The following TRPV3 variants were observed in gnomAD, a reference collection of about 807,000 sequenced individuals.
TRPV3 encodes VRL-3.
Under a neutral mutation model 87.1 loss-of-function variants are expected in TRPV3, and 88 were observed. That is an observed-to-expected ratio of 1.01 (90% CI 0.85 to 1.21). TRPV3 has a LOEUF of 1.21. TRPV3 is among the 50% of genes most tolerant of loss of function. The probability of loss-of-function intolerance (pLI) is 0.00; values close to 1 mark genes in which losing one functional copy is unlikely to be tolerated. For synonymous variants in TRPV3, 438 were observed against 423.3 expected, an observed-to-expected ratio of 1.03 and a Z score of -0.43; for missense variants, 1,054 against 1,030.1, an observed-to-expected ratio of 1.02 and a Z score of -0.32.
At position 3,543,589 on chromosome 17, in the gene TRPV3, C is replaced by T. The variant is rs1258167023; in HGVS notation, c.351G>A (p.Arg117=). ...LAKEEQRRKK[R]RLKKRIFAAV... ...CTGCAAAGATGCGCTTCTTCAGCCG[C>T]CTCTTTTTCCTCCTCTGCTCTTCCT... Residue 117 remains arginine (R), a synonymous_variant, in exon 5 of 18, where the codon AGG becomes AGA. Coordinates refer to ENST00000576742, the MANE Select transcript of TRPV3 (RefSeq NM_145068.4). The T allele has an allele frequency of 2.5e-6, 4 of 1,614,078 alleles. No individual in the cohort carries two copies. The highest frequency in any genetic ancestry group is 3.4e-6 in the Non-Finnish European group (4 of 1,180,044).
At position 3,528,336 on chromosome 17, in the gene TRPV3, A is replaced by T. The variant is rs1053468454; in HGVS notation, c.1402-210T>A. On this transcript the variant is annotated intron_variant, in intron 10 of 17. Coordinates refer to ENST00000576742, the MANE Select transcript of TRPV3 (RefSeq NM_145068.4). The surrounding 1 kb of genome is among the most constrained non-coding windows in gnomAD (Gnocchi z 4.2). ...ATGGAAACCCAGAACTCTACAACGA[A>T]GAATATCATCCAATCCGTGCTAACA... is the stretch of plus-strand genomic sequence containing the variant. 1.3e-5 allele frequency among the ~76,000 whole-genome samples: 2 copies of T among 152,186 alleles called. No homozygotes were observed. Among genetic ancestry groups the T allele is most frequent in the Non-Finnish European group, 2.9e-5 (2 of 68,022 alleles).
At chr17:3,517,810 C>T (rs201440016) in intron 15 of TRPV3, among the ~76,000 whole-genome samples, 3 of 113,178 alleles carry the variant, frequency 2.7e-5, no homozygotes, top group Admixed American at 9.4e-5. Flanking sequence ...ATGAGCATTT[C>T]TTTTTTTTTT....
chr17:3,533,794 G>T (rs2074373301), intron 7 of TRPV3, among the ~76,000 whole-genome samples: 1 of 152,234 alleles, frequency 6.6e-6, no homozygotes, highest in Non-Finnish European at 1.5e-5. Flanking sequence ...ACTGCACTCG[G>T]TCTACTTTGT....
intron 7 of TRPV3, among the ~76,000 whole-genome samples, chr17:3,534,518 G>A (rs4790146): frequency 1.3e-5 from 2 of 152,146 alleles, no homozygotes; most frequent in Non-Finnish European, 2.9e-5. Flanking sequence ...ATTTTTGTGT[G>A]TGACGGAGCC....
Position 3,528,505 on chromosome 17 carries a change from C to A in TRPV3, c.1401+332G>T, listed in dbSNP as rs1468395620. Among the ~76,000 whole-genome samples the A allele has an allele frequency of 6.6e-6, 1 of 152,192 alleles. No individual in the cohort carries two copies. The highest frequency in any genetic ancestry group is 2.4e-5 in the African/African-American group (1 of 41,448). ...ACCGAAGCCCAGCAGGCAGGGAGAG[C>A]TTATCCTCCTCCCGTTTCCTGCAGC... On this transcript the variant is annotated intron_variant, in intron 10 of 17. Coordinates refer to ENST00000576742, the MANE Select transcript of TRPV3 (RefSeq NM_145068.4). The surrounding 1 kb of genome is among the most constrained non-coding windows in gnomAD (Gnocchi z 4.2).
intron 14 of TRPV3, among the ~76,000 whole-genome samples, chr17:3,520,392 G>A (rs941331488): frequency 6.6e-6 from 1 of 152,182 alleles, no homozygotes; most frequent in Non-Finnish European, 1.5e-5. Context: ...TCACCTCAGG[G>A]TATTAGTTTG....
chr17:3,524,420 G>A, intron 12 of TRPV3, 57 bp from the exon 13 acceptor site: 1 of 1,597,920 alleles, frequency 6.3e-7, no homozygotes, highest in Non-Finnish European at 8.5e-7. Flanking sequence ...TCAGGGCAAA[G>A]ATATGCAAAT....
Position 3,528,881 on chromosome 17 carries a change from T to A in TRPV3, c.1357A>T (p.Ile453Phe). Residue 453 changes from isoleucine (I) to phenylalanine (F), a missense_variant, in exon 10 of 18, where the codon ATC (isoleucine) becomes TTC (phenylalanine). Coordinates refer to ENST00000576742, the MANE Select transcript of TRPV3 (RefSeq NM_145068.4). This position sits in a 1 kb window ranked among gnomAD's most constrained non-coding sequence, Gnocchi z 4.2. ...LSFCFYFFYN[I>F]TLTLVSYYRP... The stretch of plus-strand genomic sequence containing the variant: ...TAGTACGAGACGAGGGTCAGGGTGA[T>A]GTTGTAGAAGAAATAAAAGCAGAAG... 6.2e-7 allele frequency: 1 copy of A among 1,614,092 alleles called. No homozygotes were observed. The highest frequency in any genetic ancestry group is 8.5e-7 in the Non-Finnish European group (1 of 1,180,016).
Position 3,511,471 on chromosome 17 carries a change from A to AT in TRPV3, c.*2445dup, listed in dbSNP as rs2074113245. The AT allele has an allele frequency of 6.6e-6, 1 of 152,248 alleles. No homozygotes were observed. The highest frequency in any genetic ancestry group is 2.1e-4 in the South Asian group (1 of 4,832). The allele number at this position is 152,248 out of a possible 1,614,324, so 9.4% of individuals were successfully genotyped here. On this transcript the variant is annotated 3_prime_UTR_variant, in exon 18 of 18. Transcript: ENST00000576742. The stretch of plus-strand genomic sequence containing the variant: ...CCCAAGTACACATTCCTCTCGGAGC[A>AT]TTAGCCTCTGGGCGTAAAATGAAGG...
intron 12 of TRPV3, 104 bp from the exon 13 acceptor site, chr17:3,524,467 C>G: frequency 1.4e-6 from 2 of 1,424,682 alleles, no homozygotes; most frequent in Non-Finnish European, 1.9e-6. Context: ...AACAGTCACC[C>G]CGGTGACGGA....
At chr17:3,527,984 G>A (rs1484142397) in intron 11 of TRPV3, 41 bp downstream of exon 11, 1 of 1,512,988 alleles carries the variant, frequency 6.6e-7, no homozygotes, top group Non-Finnish European at 9.2e-7. Context: ...TCACCTGCCT[G>A]CCTCGCGGGG....
In TRPV3 at chr17:3,518,731, T is replaced by C; in HGVS notation, c.1930A>G (p.Ile644Val). 1 of 1,613,740 alleles carries C rather than the reference T, an allele frequency of 6.2e-7. No homozygotes were observed. Among genetic ancestry groups the C allele is most frequent in the Non-Finnish European group, 8.5e-7 (1 of 1,179,866 alleles). Residue 644 changes from isoleucine (I) to valine (V), a missense_variant, in exon 15 of 18, where the codon ATC (isoleucine) becomes GTC (valine). Physicochemically the swap from Ile to Val is conservative, Grantham distance 29 (BLOSUM62 3). Transcript: ENST00000576742. This position sits in a 1 kb window ranked among gnomAD's most constrained non-coding sequence, Gnocchi z 4.3. ...KLTIGLGDLN[I>V]QQNSKYPILF... is the part of the protein sequence containing the mutation. ...ATGGGATACTTGGAGTTCTGCTGGATGTTCAGGTCACCCAGGCCTATGGTG... is the reference window on the plus strand; with the variant it reads ...ATGGGATACTTGGAGTTCTGCTGGACGTTCAGGTCACCCAGGCCTATGGTG...
intron 4 of TRPV3, 69 bp downstream of exon 4, chr17:3,544,510 C>A: frequency 1.0e-6 from 1 of 1,003,664 alleles, no homozygotes; most frequent in East Asian, 2.6e-5. Flanking sequence ...TGCAGGGCCC[C>A]GGATCCTGTC....
At chr17:3,535,498 C>T in intron 7 of TRPV3, 75 bp downstream of exon 7, 1 of 1,351,142 alleles carries the variant, frequency 7.4e-7, no homozygotes, top group Non-Finnish European at 9.7e-7. Flanking sequence ...TTCCCTCCTT[C>T]CCCTTCCCTC....
chr17:3,554,630 G>A, intron 2 of TRPV3, 102 bp downstream of exon 2: 1 of 805,930 alleles, frequency 1.2e-6, no homozygotes, highest in South Asian at 1.7e-5. Flanking sequence ...GAGACTGAGA[G>A]TCTCAGGTCT....
At chr17:3,538,769 G>C (rs1371240553) in intron 6 of TRPV3, among the ~76,000 whole-genome samples, 1 of 152,104 alleles carries the variant, frequency 6.6e-6, no homozygotes, top group Non-Finnish European at 1.5e-5. Flanking sequence ...ATTTTTAGTA[G>C]AGATGGGTTT....
chr17:3,518,708 G>A lies in TRPV3; in HGVS notation c.1953C>T (p.Pro651=), dbSNP rs550338071. The A allele has an allele frequency of 3.1e-6, 5 of 1,612,586 alleles. No homozygotes were observed. The African/African-American group carries it at 6.7e-5, about 21-fold the overall frequency. ...TGATGAGCAGGAACAGAAAGAGAAT[G>A]GGATACTTGGAGTTCTGCTGGATGT... The part of the protein sequence containing the change: ...DLNIQQNSKY[P]ILFLFLLITY... Residue 651 remains proline (P), a synonymous_variant, in exon 15 of 18, where the codon CCC becomes CCT. Transcript: ENST00000576742. This position sits in a 1 kb window ranked among gnomAD's most constrained non-coding sequence, Gnocchi z 4.3.
At position 3,510,969 on chromosome 17, in the gene TRPV3, C is replaced by T. The variant is rs1407876437; in HGVS notation, c.*2948G>A. The T allele has an allele frequency of 6.6e-6, 1 of 152,248 alleles. No individual in the cohort carries two copies. Among genetic ancestry groups the T allele is most frequent in the Non-Finnish European group, 1.5e-5 (1 of 68,054 alleles). The allele number at this position is 152,248 out of a possible 1,614,324, so 9.4% of individuals were successfully genotyped here. A position where few individuals can be genotyped will look rare whatever the true frequency, so the allele number is the denominator to read the frequency against. On this transcript the variant is annotated 3_prime_UTR_variant, in exon 18 of 18. Transcript: ENST00000576742. ...CACCTTTTATTCCTAACAGATATAT[C>T]ACATAATGTCTAGAATAATGAATTC... is the stretch of plus-strand genomic sequence containing the variant.
At chr17:3,532,373 C>T (rs1049430856) in intron 8 of TRPV3, among the ~76,000 whole-genome samples, 1 of 152,272 alleles carries the variant, frequency 6.6e-6, no homozygotes, top group Non-Finnish European at 1.5e-5. Context: ...TCACCTCAGC[C>T]TCAGGCTCCC....
Sources: gnomAD v4.1 joint callset for allele counts (sites outside exome capture counted in the v4.1 genomes callset) on GRCh38, gnomAD v4.1.1 for gene constraint, Gnocchi (gnomAD v3.1) non-coding constraint, MANE v1.5 for transcripts, NCBI Gene and HGNC (gene_info 2026-07-23, HGNC 2026-07-21) for gene names.